CPQ: variants seen among roughly 807,000 people sequenced by gnomAD.
CPQ encodes the protein carboxypeptidase Q, also known as Ser-Met dipeptidase.
CPQ carries 37 observed loss-of-function variants against 45.7 expected under a neutral mutation model. The ratio of observed to expected loss-of-function variants is 0.81; its 90% confidence interval spans 0.62 to 1.07. The LOEUF is 1.07. Among genes scored for constraint, CPQ ranks in the 50% least tolerant of loss-of-function variants. CPQ has a pLI of 0.00. For missense variants in CPQ, 537 were observed against 572.9 expected, an observed-to-expected ratio of 0.94 and a Z score of 0.64; for synonymous variants, 186 against 205.8, an observed-to-expected ratio of 0.90 and a Z score of 0.82.
intron 5 of CPQ, among the ~76,000 whole-genome samples, chr8:97,008,390 A>G (rs1012511866): frequency 5.9e-5 from 9 of 152,212 alleles, no homozygotes; most frequent in African/African-American, 2.2e-4. Flanking sequence ...GAACAAATGT[A>G]CCTTTGACTT....
chr8:96,976,609 G>T (rs72664540), intron 5 of CPQ, among the ~76,000 whole-genome samples: 120 of 152,114 alleles, frequency 7.9e-4, no homozygotes, highest in Middle Eastern at 3.4e-3. Flanking sequence ...AAACTATAAG[G>T]CCTTAGACAC....
chr8:96,715,995 C>T (rs112085124), intron 1 of CPQ, among the ~76,000 whole-genome samples: 1 of 152,210 alleles, frequency 6.6e-6, no homozygotes, highest in Non-Finnish European at 1.5e-5. Flanking sequence ...GACATAGACT[C>T]TGTGAGATCC....
chr8:96,878,724 C>T (rs530896953), intron 3 of CPQ, among the ~76,000 whole-genome samples: 1 of 152,264 alleles, frequency 6.6e-6, no homozygotes, highest in East Asian at 1.9e-4. Context: ...ACTGGAGCTG[C>T]TTCTATAGGA....
At chr8:97,024,537 A>C (rs974027869) in intron 5 of CPQ, among the ~76,000 whole-genome samples, 2 of 152,200 alleles carry the variant, frequency 1.3e-5, no homozygotes, top group African/African-American at 2.4e-5. Flanking sequence ...TTCTGCCTTT[A>C]AAGAGAAGTA....
intron 6 of CPQ, among the ~76,000 whole-genome samples, chr8:97,052,676 C>T (rs1339947008): frequency 1.3e-5 from 2 of 152,102 alleles, no homozygotes; most frequent in East Asian, 3.9e-4. Context: ...GACATATAGT[C>T]TACTGAGAAT....
intron 4 of CPQ, among the ~76,000 whole-genome samples, chr8:96,901,956 T>C (rs973703205): frequency 1.3e-5 from 2 of 152,138 alleles, no homozygotes; most frequent in African/African-American, 4.8e-5. Flanking sequence ...TAACAAAACA[T>C]GTCAAAAATT....
chr8:96,707,752 G>T (rs72682312), intron 1 of CPQ, among the ~76,000 whole-genome samples: 3,575 of 152,052 alleles, frequency 0.024, 53 homozygotes, highest in Non-Finnish European at 0.037. Flanking sequence ...GGAGTCAGAA[G>T]TCCAAAATGG....
At chr8:96,776,751 G>A (rs1403384298) in intron 1 of CPQ, among the ~76,000 whole-genome samples, 2 of 151,964 alleles carry the variant, frequency 1.3e-5, no homozygotes, top group Non-Finnish European at 2.9e-5. Context: ...CTTTTTTTGT[G>A]AAAAAGATAA....
At chr8:96,966,846 T>C (rs1813575437) in intron 5 of CPQ, among the ~76,000 whole-genome samples, 1 of 152,262 alleles carries the variant, frequency 6.6e-6, no homozygotes. Flanking sequence ...CTACTTTGCT[T>C]TTTATAAAGC....
chr8:96,811,195 C>G (rs1811157103), intron 2 of CPQ, among the ~76,000 whole-genome samples: 1 of 152,138 alleles, frequency 6.6e-6, no homozygotes, highest in Admixed American at 6.6e-5. Flanking sequence ...GTCTTAAAAT[C>G]TGAACTACAG....
chr8:97,117,781 A>G (rs1811620050), intron 7 of CPQ, among the ~76,000 whole-genome samples: 1 of 152,080 alleles, frequency 6.6e-6, no homozygotes, highest in South Asian at 2.1e-4. Flanking sequence ...TCAAGCAATT[A>G]TCCTGTCTTG....
intron 5 of CPQ, among the ~76,000 whole-genome samples, chr8:97,008,540 T>C (rs1809427723): frequency 1.3e-5 from 2 of 152,134 alleles, no homozygotes; most frequent in African/African-American, 4.8e-5. Flanking sequence ...CCATGCCAGG[T>C]TCTCATAGGA....
intron 2 of CPQ, among the ~76,000 whole-genome samples, chr8:96,803,399 C>T (rs1481975586): frequency 1.3e-5 from 2 of 152,142 alleles, no homozygotes; most frequent in African/African-American, 4.8e-5. Context: ...GATTTAATGG[C>T]TTCAGAAGTG....
chr8:96,918,454 G>T (rs950906220), intron 4 of CPQ, among the ~76,000 whole-genome samples: 1 of 151,396 alleles, frequency 6.6e-6, no homozygotes, highest in Non-Finnish European at 1.5e-5. Context: ...CTCTTTCTTT[G>T]TACCCATTTC....
intron 3 of CPQ, among the ~76,000 whole-genome samples, chr8:96,876,519 G>A (rs1369257533): frequency 6.6e-6 from 1 of 152,072 alleles, no homozygotes; most frequent in Non-Finnish European, 1.5e-5. Flanking sequence ...GATCTCAGGG[G>A]AAAAGCATTC....
intron 7 of CPQ, among the ~76,000 whole-genome samples, chr8:97,083,442 G>A (rs1375996288): frequency 2.6e-5 from 4 of 152,100 alleles, no homozygotes; most frequent in Admixed American, 1.3e-4. Context: ...GGAGCTACTA[G>A]CATACACTAT....
intron 4 of CPQ, among the ~76,000 whole-genome samples, chr8:96,934,793 G>A (rs1270069812): frequency 1.3e-5 from 2 of 152,100 alleles, no homozygotes; most frequent in African/African-American, 4.8e-5. Flanking sequence ...CTTAGAGGGA[G>A]CTCGGAGTTC....
intron 4 of CPQ, among the ~76,000 whole-genome samples, chr8:96,915,231 A>AT (rs994670388): frequency 5.3e-5 from 8 of 151,822 alleles, no homozygotes; most frequent in East Asian, 1.9e-4. Context: ...CCTTGGGAAG[A>AT]TTTTTTTTCC....
At chr8:96,706,313 T>G (rs1225033996) in intron 1 of CPQ, among the ~76,000 whole-genome samples, 1 of 152,164 alleles carries the variant, frequency 6.6e-6, no homozygotes, top group Non-Finnish European at 1.5e-5. Flanking sequence ...CTGTGTCTAT[T>G]ATACTGTGTG....
Sources: allele counts gnomAD v4.1 joint callset (sites outside exome capture counted in the v4.1 genomes callset), GRCh38; gene constraint gnomAD v4.1.1; transcripts MANE v1.5; gene names NCBI Gene and HGNC (gene_info 2026-07-23, HGNC 2026-07-21).